Variants in PSMG2 observed in about 807,000 individuals in gnomAD.
PSMG2 encodes the protein CD40 ligand-activated specific transcript 3.
PSMG2 carries 21 observed loss-of-function variants against 31.5 expected under a neutral mutation model. That is an observed-to-expected ratio of 0.67 (90% confidence interval 0.47 to 0.96). The LOEUF is 0.96. PSMG2 is among the 40% of genes least tolerant of loss of function. The pLI is 0.00. For missense variants in PSMG2, 318 were observed against 321.2 expected, an observed-to-expected ratio of 0.99 and a Z score of 0.08; for synonymous variants, 120 against 110.4, an observed-to-expected ratio of 1.09 and a Z score of -0.54.
intron 1 of PSMG2, among the ~76,000 whole-genome samples, chr18:12,663,808 C>G (rs1023647194): frequency 6.6e-6 from 1 of 152,074 alleles, no homozygotes; most frequent in East Asian, 1.9e-4. Context: ...TTCTGCTGCC[C>G]AGGCTGGATG....
intron 2 of PSMG2, among the ~76,000 whole-genome samples, chr18:12,710,971 G>A (rs2145138515): frequency 6.6e-6 from 1 of 152,188 alleles, no homozygotes; most frequent in African/African-American, 2.4e-5. Context: ...GTGACGGTGT[G>A]CATCTGAAAT....
intron 5 of PSMG2, among the ~76,000 whole-genome samples, chr18:12,723,767 T>A (rs2040451340): frequency 6.6e-6 from 1 of 152,206 alleles, no homozygotes; most frequent in Non-Finnish European, 1.5e-5. Flanking sequence ...GTGGTCACTG[T>A]TTTAAGCATT....
chr18:12,682,044 G>A (rs2039369611), intron 1 of PSMG2, among the ~76,000 whole-genome samples: 1 of 151,910 alleles, frequency 6.6e-6, no homozygotes, highest in African/African-American at 2.4e-5. Flanking sequence ...ACTGTGTTCT[G>A]TGAAAAAAAT....
intron 2 of PSMG2, among the ~76,000 whole-genome samples, chr18:12,709,444 A>T (rs2040306445): frequency 6.6e-6 from 1 of 151,498 alleles, no homozygotes; most frequent in East Asian, 1.9e-4. Context: ...CTCCTGCCTC[A>T]GCCTCCCAAG....
At chr18:12,669,771 C>T (rs546819315) in intron 1 of PSMG2, among the ~76,000 whole-genome samples, 3 of 152,090 alleles carry the variant, frequency 2.0e-5, no homozygotes, top group Admixed American at 6.5e-5. Flanking sequence ...GAGGCCAAGG[C>T]GGGTGGATCA....
chr18:12,706,447 A>G lies in PSMG2; in HGVS notation c.58-103A>G, dbSNP rs1598678750. On this transcript the variant is annotated intron_variant, in intron 1 of 6. Transcript: ENST00000317615. ...GGCTGCAGTGAGCCAAGATCACGCC[A>G]CTGTACTCCAGCCTGGGAGACAGAG... 3 of 1,234,626 alleles carry G rather than the reference A, an allele frequency of 2.4e-6. No homozygotes were observed. The East Asian group carries it at 7.2e-5, about 29-fold the overall frequency. 76.5% of individuals were successfully genotyped at this position (1,234,626 alleles called of 1,614,324 possible). A position where few individuals can be genotyped will look rare whatever the true frequency, so the allele number is the denominator to read the frequency against.
In PSMG2 at chr18:12,674,721, C is replaced by A; in HGVS notation, c.-37+15948C>A. 1 of 1,613,960 alleles carries A rather than the reference C, an allele frequency of 6.2e-7. No homozygotes were observed. Among genetic ancestry groups the A allele is most frequent in the African/African-American group, 1.3e-5 (1 of 75,024 alleles). ...AAGCTGGTGATAAAAGGTAGGAGAG[C>A]TGGTCTTCCCAAACAGTAGTGAGGC... On this transcript the variant is annotated intron_variant, in intron 1 of 6. Transcript: ENST00000585331.
At chr18:12,686,042 T>A (rs931492563) in intron 1 of PSMG2, 2 of 421,922 alleles carry the variant, frequency 4.7e-6, no homozygotes, top group Non-Finnish European at 8.5e-6. Context: ...TAAACGTTGT[T>A]ACACACCATT....
intron 6 of PSMG2, 93 bp downstream of exon 6, chr18:12,724,712 C>T: frequency 2.4e-6 from 3 of 1,230,072 alleles, no homozygotes; most frequent in East Asian, 2.8e-5. Flanking sequence ...AGTAAGTGAA[C>T]GTTTGTATTA....
At chr18:12,662,513 C>T (rs1054925199) in intron 1 of PSMG2, among the ~76,000 whole-genome samples, 1 of 152,220 alleles carries the variant, frequency 6.6e-6, no homozygotes, top group Admixed American at 6.5e-5. Context: ...TGGGGGCTCA[C>T]ACCTGTAATC....
At chr18:12,699,604 T>C (rs2040081597), upstream of PSMG2, among the ~76,000 whole-genome samples, 1 of 152,174 alleles carries the variant, frequency 6.6e-6, no homozygotes, top group African/African-American at 2.4e-5. Flanking sequence ...ATAAAACATA[T>C]TATTAAAACA....
At position 12,712,727 on chromosome 18, in the gene PSMG2, G is replaced by A. The variant is rs1236588501; in HGVS notation, c.255G>A (p.Leu85=). ...AEVYSLPSRK[L]VALQLRSIFI... ...TGTATTCATTGCCTTCAAGAAAGCT[G>A]GTGGCTCTACAGTTAAGATCCATTT... The change falls in exon 3 of 7, where the codon CTG becomes CTA. Residue 85 remains leucine (L), a synonymous_variant. Transcript: ENST00000317615. The A allele has an allele frequency of 6.2e-7, 1 of 1,607,880 alleles. No individual in the cohort carries two copies. Among genetic ancestry groups the A allele is most frequent in the Admixed American group, 1.7e-5 (1 of 59,880 alleles).
At chr18:12,668,575 G>A (rs1240395529) in intron 1 of PSMG2, among the ~76,000 whole-genome samples, 1 of 96,948 alleles carries the variant, frequency 1.0e-5, no homozygotes, top group East Asian at 3.4e-4. Context: ...TCCAGCCTGG[G>A]AGACAGAGTA....
At chr18:12,672,529 A>G (rs1294012946) in intron 1 of PSMG2, 2 of 335,168 alleles carry the variant, frequency 6.0e-6, no homozygotes, top group South Asian at 1.2e-4. Flanking sequence ...GATTAGTCAC[A>G]TATATGCTGA....
chr18:12,682,758 A>C (rs2039396169), intron 1 of PSMG2, among the ~76,000 whole-genome samples: 1 of 151,928 alleles, frequency 6.6e-6, no homozygotes, highest in Non-Finnish European at 1.5e-5. Flanking sequence ...AGTAGCTAGG[A>C]CTACAGGCGT....
chr18:12,698,927 AAACAT>A, upstream of PSMG2: 1 of 1,282,182 alleles, frequency 7.8e-7, no homozygotes, highest in South Asian at 1.3e-5. Context: ...TTTCACAATA[AAACAT>A]AACAAAGATT....
intron 1 of PSMG2, among the ~76,000 whole-genome samples, chr18:12,704,112 A>G (rs1368556530): frequency 1.3e-5 from 2 of 152,200 alleles, no homozygotes; most frequent in Admixed American, 1.3e-4. Context: ...GGCCATGTCA[A>G]AAGTAGCCCA....
At chr18:12,674,322 G>A (rs565097619) in intron 1 of PSMG2, among the ~76,000 whole-genome samples, 10 of 151,872 alleles carry the variant, frequency 6.6e-5, no homozygotes, top group Admixed American at 3.3e-4. Context: ...CATGCCTGTG[G>A]TCCCAGTTGC....
upstream of PSMG2, chr18:12,700,180 CAACAAGGTTAAACTTTCTGTA>C (rs768758730): frequency 7.8e-5 from 18 of 229,728 alleles, no homozygotes; most frequent in Non-Finnish European, 1.4e-4. Flanking sequence ...TTAATACCTT[CAACAAGGTTAAACTTTCTGTA>C]AACCTTATGT....
Sources: allele counts gnomAD v4.1 joint callset (sites outside exome capture counted in the v4.1 genomes callset), GRCh38; gene constraint gnomAD v4.1.1; transcripts MANE v1.5; gene names NCBI Gene and HGNC (gene_info 2026-07-23, HGNC 2026-07-21).